The following SH3BGRL variants were observed in gnomAD, a reference collection of about 807,000 sequenced individuals.
SH3BGRL encodes adapter SH3BGRL.
A neutral mutation model predicts 9.8 loss-of-function variants in SH3BGRL; 7 were observed. The observed-to-expected ratio is 0.72, with a 90% CI of 0.41 to 1.35. SH3BGRL has a LOEUF of 1.35. SH3BGRL is among the 40% of genes most tolerant of loss of function. The probability of loss-of-function intolerance (pLI) is 0.01; values close to 1 mark genes in which losing one functional copy is unlikely to be tolerated. For synonymous variants in SH3BGRL, 36 were observed against 29.1 expected (o/e 1.24, Z -0.76); for missense variants, 73 against 84.4 (o/e 0.86, Z 0.53).
chrX:81,218,966 A>G (rs758197493), intron 1 of SH3BGRL, among the ~76,000 whole-genome samples: 1 of 109,885 alleles, frequency 9.1e-6, no homozygotes, highest in South Asian at 3.8e-4. Context: ...AGGATACGAA[A>G]TCAACACACA....
At chrX:81,255,350 T>C (rs2075722669) in intron 1 of SH3BGRL, 1 of 111,779 alleles carries the variant, frequency 8.9e-6, no homozygotes, top group South Asian at 3.7e-4. Context: ...ATTTGTCTCA[T>C]TATATGAAGT....
At chrX:81,281,267 A>G (rs914681873) in intron 3 of SH3BGRL, among the ~76,000 whole-genome samples, 1 of 111,525 alleles carries the variant, frequency 9.0e-6, no homozygotes, top group Non-Finnish European at 1.9e-5. Context: ...ATAATCAAGG[A>G]AAACTTCCCT....
chrX:81,278,195 T>G, intron 2 of SH3BGRL, 136 bp from the exon 3 acceptor site: 2 of 419,067 alleles, frequency 4.8e-6, no homozygotes, highest in Non-Finnish European at 8.2e-6. Context: ...ACTCCCAACC[T>G]TAGGTGATCC....
chrX:81,287,340 G>A (rs1335831739), intron 3 of SH3BGRL, among the ~76,000 whole-genome samples: 5 of 111,631 alleles, frequency 4.5e-5, no homozygotes, highest in African/African-American at 9.8e-5. Context: ...GCTGCTACAA[G>A]CAATTATATG....
chrX:81,257,899 AT>A (rs2075730248), intron 1 of SH3BGRL, among the ~76,000 whole-genome samples: 1 of 110,542 alleles, frequency 9.0e-6, no homozygotes, highest in Non-Finnish European at 1.9e-5. Context: ...CTATGAATTG[AT>A]TTTTTAAAAT....
At chrX:81,265,430 A>C (rs763113606) in intron 1 of SH3BGRL, among the ~76,000 whole-genome samples, 1 of 108,855 alleles carries the variant, frequency 9.2e-6, no homozygotes, top group African/African-American at 3.4e-5. Flanking sequence ...TCATTGTTCA[A>C]CTCCCGCTTA....
chrX:81,253,618 A>G (rs902206608), intron 1 of SH3BGRL, among the ~76,000 whole-genome samples: 2 of 112,263 alleles, frequency 1.8e-5, no homozygotes, highest in African/African-American at 6.5e-5. Context: ...GTGAAATTAC[A>G]GGTTTTAATC....
intron 1 of SH3BGRL, among the ~76,000 whole-genome samples, chrX:81,250,813 G>A (rs1310554503): frequency 8.9e-6 from 1 of 111,795 alleles, no homozygotes; most frequent in Non-Finnish European, 1.9e-5. Flanking sequence ...CAATTGTACT[G>A]GTAGATAATA....
chrX:81,266,733 T>C (rs1327875957), intron 1 of SH3BGRL, among the ~76,000 whole-genome samples: 1 of 112,291 alleles, frequency 8.9e-6, no homozygotes, highest in Non-Finnish European at 1.9e-5. Context: ...TTTTTCCCAA[T>C]TCTTTGAAGA....
intron 1 of SH3BGRL, among the ~76,000 whole-genome samples, chrX:81,268,459 G>T (rs1339558407): frequency 9.0e-6 from 1 of 111,295 alleles, no homozygotes; most frequent in Non-Finnish European, 1.9e-5. Context: ...CTTTATTTCT[G>T]CCTTCATTCA....
chrX:81,258,225 T>G (rs2075731347), intron 1 of SH3BGRL, among the ~76,000 whole-genome samples: 1 of 111,885 alleles, frequency 8.9e-6, no homozygotes, highest in Non-Finnish European at 1.9e-5. Context: ...ACAACATTCT[T>G]TCAACTGTCC....
At chrX:81,224,265 C>T (rs1346507894) in intron 1 of SH3BGRL, among the ~76,000 whole-genome samples, 1 of 111,082 alleles carries the variant, frequency 9.0e-6, no homozygotes, top group Non-Finnish European at 1.9e-5. Flanking sequence ...TTGTCATCGT[C>T]AGTATGCTAA....
At chrX:81,252,182 T>C (rs2075712897) in intron 1 of SH3BGRL, among the ~76,000 whole-genome samples, 1 of 111,966 alleles carries the variant, frequency 8.9e-6, no homozygotes. Context: ...AAAGAAACAT[T>C]CCTGAGATAT....
chrX:81,282,830 ATAAC>A (rs2075822078), intron 3 of SH3BGRL, among the ~76,000 whole-genome samples: 1 of 112,291 alleles, frequency 8.9e-6, no homozygotes, highest in South Asian at 3.6e-4. Flanking sequence ...AGATCAGAAC[ATAAC>A]TAAATTAAAT....
intron 3 of SH3BGRL, among the ~76,000 whole-genome samples, chrX:81,282,710 G>A (rs2075821736): frequency 9.0e-6 from 1 of 111,548 alleles, no homozygotes; most frequent in African/African-American, 3.3e-5. Context: ...GGCCCTAAAC[G>A]CCTACATCAA....
chrX:81,269,725 G>C (rs1401661477), intron 1 of SH3BGRL, among the ~76,000 whole-genome samples: 1 of 110,653 alleles, frequency 9.0e-6, no homozygotes, highest in African/African-American at 3.3e-5. Flanking sequence ...GGGTATCTTT[G>C]TGGTGTTCTC....
intron 3 of SH3BGRL, among the ~76,000 whole-genome samples, chrX:81,278,836 G>A (rs1394521024): frequency 1.8e-5 from 2 of 112,014 alleles, no homozygotes; most frequent in African/African-American, 6.5e-5. Flanking sequence ...AGTTAATTAA[G>A]AGCATCTGCA....
At chrX:81,263,896 T>G (rs1285896766) in intron 1 of SH3BGRL, among the ~76,000 whole-genome samples, 3 of 109,992 alleles carry the variant, frequency 2.7e-5, no homozygotes, top group African/African-American at 1.0e-4. Context: ...CACTCAAAAC[T>G]ATTAGGTAAC....
intron 1 of SH3BGRL, among the ~76,000 whole-genome samples, chrX:81,226,532 C>T (rs1380072648): frequency 9.8e-6 from 1 of 101,611 alleles, no homozygotes; most frequent in Non-Finnish European, 2.0e-5. Context: ...CTATATCTCT[C>T]TCTCTATATA....
Sources: gnomAD v4.1 joint callset for allele counts (sites outside exome capture counted in the v4.1 genomes callset) on GRCh38, gnomAD v4.1.1 for gene constraint, MANE v1.5 for transcripts, NCBI Gene and HGNC (gene_info 2026-07-23, HGNC 2026-07-21) for gene names.